The following CNPY1 variants were observed in gnomAD, a reference collection of about 807,000 sequenced individuals.
CNPY1 encodes the protein protein canopy homolog 1.
Under a neutral mutation model 14.4 loss-of-function variants are expected in CNPY1, and 14 were observed. That is an observed-to-expected ratio of 0.97 (90% confidence interval 0.64 to 1.52). The LOEUF is 1.52. Among genes scored for constraint, CNPY1 ranks in the 40% most tolerant of loss-of-function variants. CNPY1 has a pLI of 0.00. For synonymous variants in CNPY1, 43 were observed against 46.5 expected, an observed-to-expected ratio of 0.92 and a Z score of 0.31; for missense variants, 129 against 131.5, an observed-to-expected ratio of 0.98 and a Z score of 0.09.
At chr7:155,505,008 G>A (rs994873307) in intron 4 of CNPY1, among the ~76,000 whole-genome samples, 3 of 152,156 alleles carry the variant, frequency 2.0e-5, no homozygotes, top group Non-Finnish European at 4.4e-5. Context: ...TATCATTGAT[G>A]TGTTGCTTGA....
At position 155,519,244 on chromosome 7, in the gene CNPY1, C is replaced by CT. The variant is rs1395424138; in HGVS notation, c.100-10148dup. Among the ~76,000 whole-genome samples, 24 of 152,156 alleles carry CT rather than the reference C, an allele frequency of 1.6e-4. 1 individual carries two copies. The highest frequency in any genetic ancestry group is 1.5e-5 in the Non-Finnish European group (1 of 68,040). On this transcript the variant is annotated intron_variant, in intron 2 of 4. Coordinates refer to ENST00000636446, the MANE Select transcript of CNPY1 (RefSeq NM_001393663.1). ...CCAGACTGGAAAGAATGGATGCAGG[C>CT]TGGGTGTAGTGGCTCGTGCCTGTAA... is the stretch of plus-strand genomic sequence containing the variant.
intron 2 of CNPY1, among the ~76,000 whole-genome samples, chr7:155,531,005 C>T (rs1424814759): frequency 6.6e-6 from 1 of 152,254 alleles, no homozygotes; most frequent in South Asian, 2.1e-4. Flanking sequence ...GGGACGAAGG[C>T]TGTCTGCTCT....
intron 3 of CNPY1, 59 bp from the exon 4 acceptor site, chr7:155,507,175 AGGAAG>A: frequency 9.3e-7 from 1 of 1,077,662 alleles, no homozygotes; most frequent in Non-Finnish European, 1.4e-6. Flanking sequence ...GCACTTTGTT[AGGAAG>A]GACTTTGCAA....
chr7:155,502,156 C>T lies in CNPY1; in HGVS notation c.*912G>A, dbSNP rs1313284084. 1.3e-5 allele frequency: 2 copies of T among 152,124 alleles called. No individual in the cohort carries two copies. Among genetic ancestry groups the T allele is most frequent in the Middle Eastern group, 3.4e-3 (1 of 294 alleles). 9.4% of individuals were successfully genotyped at this position (152,124 alleles called of 1,614,324 possible). On this transcript the variant is annotated 3_prime_UTR_variant, in exon 5 of 5. Coordinates refer to ENST00000636446, the MANE Select transcript of CNPY1 (RefSeq NM_001393663.1). ...AATGTAACAGAGATAAAGAAATTTC[C>T]GGGAGTGATTGTTACTAGACTTTGT...
intron 4 of CNPY1, among the ~76,000 whole-genome samples, chr7:155,506,197 T>C (rs1019038871): frequency 6.6e-6 from 1 of 152,220 alleles, no homozygotes; most frequent in Non-Finnish European, 1.5e-5. Flanking sequence ...AACTTCCACA[T>C]TGTTTAAAAG....
chr7:155,538,198 G>A (rs1797045041), intron 2 of CNPY1, among the ~76,000 whole-genome samples: 1 of 152,174 alleles, frequency 6.6e-6, no homozygotes, highest in Non-Finnish European at 1.5e-5. Flanking sequence ...TTCTTATTAA[G>A]GTGGCATCCA....
At chr7:155,526,812 A>G (rs1166302885) in intron 2 of CNPY1, among the ~76,000 whole-genome samples, 2 of 152,196 alleles carry the variant, frequency 1.3e-5, no homozygotes, top group Non-Finnish European at 2.9e-5. Context: ...CAGTCCAACA[A>G]CATGGGTTAG....
intron 2 of CNPY1, among the ~76,000 whole-genome samples, chr7:155,514,468 TTTGGA>T (rs1367837551): frequency 6.6e-6 from 1 of 152,222 alleles, no homozygotes; most frequent in East Asian, 1.9e-4. Context: ...TGATGATCCG[TTTGGA>T]ACCACCTCTG....
At chr7:155,543,734 G>A (rs554391550) in intron 2 of CNPY1, among the ~76,000 whole-genome samples, 5 of 152,164 alleles carry the variant, frequency 3.3e-5, no homozygotes, top group Non-Finnish European at 2.9e-5. Flanking sequence ...ACCCACCCGC[G>A]CGCCTACAGG....
chr7:155,509,365 A>C (rs1379952172), intron 2 of CNPY1, among the ~76,000 whole-genome samples: 1 of 152,230 alleles, frequency 6.6e-6, no homozygotes, highest in Non-Finnish European at 1.5e-5. Flanking sequence ...TCAAACTAGA[A>C]ACTATACCTC....
At chr7:155,526,678 A>G (rs1412322607) in intron 2 of CNPY1, among the ~76,000 whole-genome samples, 1 of 152,218 alleles carries the variant, frequency 6.6e-6, no homozygotes, top group Admixed American at 6.5e-5. Context: ...GCGAAATACC[A>G]TCTTTCACTG....
chr7:155,535,244 CA>C (rs1797009756), intron 2 of CNPY1, among the ~76,000 whole-genome samples: 1 of 152,212 alleles, frequency 6.6e-6, no homozygotes, highest in Non-Finnish European at 1.5e-5. Context: ...GCCAGGGCTT[CA>C]ATCATCATGG....
intron 2 of CNPY1, among the ~76,000 whole-genome samples, chr7:155,524,822 C>G (rs1322497801): frequency 1.9e-5 from 2 of 104,602 alleles, no homozygotes; most frequent in African/African-American, 7.6e-5. Flanking sequence ...ATCCATGAAA[C>G]CGATCCCTGG....
intron 2 of CNPY1, among the ~76,000 whole-genome samples, chr7:155,530,454 G>C (rs1037495088): frequency 6.6e-6 from 1 of 151,978 alleles, no homozygotes; most frequent in Non-Finnish European, 1.5e-5. Context: ...ACCTGCCCAA[G>C]TAGCTAGGAC....
chr7:155,510,213 C>G (rs1202204459), intron 2 of CNPY1: 3 of 152,254 alleles, frequency 2.0e-5, no homozygotes, highest in African/African-American at 7.2e-5. Context: ...GCGCTCGGGG[C>G]GCACAAAGGG....
In CNPY1 at chr7:155,514,099, G is replaced by A. The variant is rs185273362; in HGVS notation, c.100-5002C>T. Reference sequence around the variant, plus strand: ...TACTGCTTTCCAAAAACTCCTAAGAGGAGAAAGTGACAGTACGTAAAAAGG... The same window carrying A: ...TACTGCTTTCCAAAAACTCCTAAGAAGAGAAAGTGACAGTACGTAAAAAGG... On this transcript the variant is annotated intron_variant, in intron 2 of 4. Transcript: ENST00000636446. Among the ~76,000 whole-genome samples the A allele has an allele frequency of 3.3e-5, 5 of 152,324 alleles. No homozygotes were observed. The East Asian group carries it at 7.7e-4, about 23-fold the overall frequency.
At chr7:155,527,061 T>TCTTTCTTTCTTTCTTTCTTTCTTTCTTA (rs1563093370) in intron 2 of CNPY1, among the ~76,000 whole-genome samples, 1 of 139,316 alleles carries the variant, frequency 7.2e-6, no homozygotes, top group Non-Finnish European at 1.5e-5. Context: ...TTTCTTTTTT[T>TCTTTCTTTCTTTCTTTCTTTCTTTCTTA]TTTTTTTTTT....
rs914158456 is a variant in CNPY1, at chr7:155,536,588, C to T, written c.99+9243G>A. 6.6e-5 allele frequency among the ~76,000 whole-genome samples: 10 copies of T among 152,280 alleles called. No homozygotes were observed. In the South Asian group the frequency reaches 1.9e-3, roughly 28 times the overall value. On this transcript the variant is annotated intron_variant, in intron 2 of 4. Coordinates refer to ENST00000636446, the MANE Select transcript of CNPY1 (RefSeq NM_001393663.1). This position sits in a 1 kb window ranked among gnomAD's most constrained non-coding sequence, Gnocchi z 4.1. The stretch of plus-strand genomic sequence containing the variant: ...CGTGGAACGTAGGCAGAAGCAAGGC[C>T]CCTCCCTGTTAGCCCTGCCTGTAAA...
intron 2 of CNPY1, among the ~76,000 whole-genome samples, chr7:155,521,304 C>T (rs1212396389): frequency 2.6e-5 from 4 of 152,212 alleles, no homozygotes; most frequent in Non-Finnish European, 1.5e-5. Context: ...TGAACAAAAA[C>T]AAGTGGTGTT....
Sources: allele counts gnomAD v4.1 joint callset (sites outside exome capture counted in the v4.1 genomes callset), GRCh38; gene constraint gnomAD v4.1.1; non-coding constraint Gnocchi (gnomAD v3.1); transcripts MANE v1.5; gene names NCBI Gene and HGNC (gene_info 2026-07-23, HGNC 2026-07-21).